The following LEMD1 variants were observed in gnomAD, a reference collection of about 807,000 sequenced individuals.
The protein encoded by LEMD1 is LEM domain-containing protein 1.
In LEMD1, 18 loss-of-function variants were observed where a neutral mutation model predicts 17.4. That is an observed-to-expected ratio of 1.04 (90% CI 0.72 to 1.54). LEMD1 has a LOEUF of 1.54. Ranked by LOEUF, LEMD1 falls within the 40% of genes most tolerant of loss-of-function variation. The pLI is 0.00. For synonymous variants in LEMD1, 88 were observed against 77.8 expected, an observed-to-expected ratio of 1.13 and a Z score of -0.69; for missense variants, 195 against 210.4, an observed-to-expected ratio of 0.93 and a Z score of 0.45.
intron 4 of LEMD1, chr1:205,386,388 G>C (rs367619947): frequency 6.7e-6 from 1 of 149,764 alleles, no homozygotes; most frequent in Non-Finnish European, 1.5e-5. Flanking sequence ...ACTGCAAGCT[G>C]CGCCTCCCAG....
At chr1:205,404,780 C>G (rs1466914193) in intron 4 of LEMD1, among the ~76,000 whole-genome samples, 4 of 151,824 alleles carry the variant, frequency 2.6e-5, no homozygotes, top group Admixed American at 1.3e-4. Flanking sequence ...TTAGTTGATG[C>G]AGTTTCTTCC....
chr1:205,439,434 C>A (rs1008493067), intron 1 of LEMD1, among the ~76,000 whole-genome samples: 3 of 152,234 alleles, frequency 2.0e-5, no homozygotes, highest in Non-Finnish European at 4.4e-5. Context: ...CTGCCCAAAG[C>A]CCAGGAAAGG....
Position 205,388,905 on chromosome 1 carries a change from T to C in LEMD1, c.271-4541A>G, listed in dbSNP as rs1003325405. On this transcript the variant is annotated intron_variant, in intron 4 of 5. Coordinates refer to ENST00000367153, the MANE Select transcript of LEMD1 (RefSeq NM_001199050.2). ...TATCACAGTCAGTCTGAAATAATAT[T>C]GCATATGACATTTTATGTCATACTG... Among the ~76,000 whole-genome samples the C allele has an allele frequency of 3.3e-5, 5 of 152,148 alleles. No individual in the cohort carries two copies. In the East Asian group the frequency reaches 5.8e-4, roughly 18 times the overall value.
At chr1:205,399,719 T>C (rs1664750546) in intron 4 of LEMD1, among the ~76,000 whole-genome samples, 1 of 152,226 alleles carries the variant, frequency 6.6e-6, no homozygotes, top group Non-Finnish European at 1.5e-5. Context: ...CTGGGAGGAT[T>C]TGAGTATGAA....
rs1343211823 is a variant in LEMD1, at chr1:205,441,665, C to A, written c.-39+8203G>T. Among the ~76,000 whole-genome samples, 1 of 152,230 alleles carries A rather than the reference C, an allele frequency of 6.6e-6. No individual in the cohort carries two copies. The highest frequency in any genetic ancestry group is 1.5e-5 in the Non-Finnish European group (1 of 68,040). ...ATACCCTTCCTTTGACTGCTCAGGG[C>A]AATGCAAATCCCATCCTCACCATGC... is the stretch of plus-strand genomic sequence containing the variant. On this transcript the variant is annotated intron_variant, in intron 1 of 3. Coordinates refer to the LEMD1 transcript ENST00000367154. The surrounding 1 kb of genome is among the most constrained non-coding windows in gnomAD (Gnocchi z 4.3).
Position 205,440,439 on chromosome 1 carries a change from A to C in LEMD1, c.-39+9429T>G, listed in dbSNP as rs370138160. On this transcript the variant is annotated intron_variant, in intron 1 of 3. Transcript: ENST00000367154. ...TTCTTGCCCCAGGTCCTGGAATCCC[A>C]GGAGAGTCTCACACTTCCGCCCTGG... Among the ~76,000 whole-genome samples, 4 of 152,286 alleles carry C rather than the reference A, an allele frequency of 2.6e-5. No individual in the cohort carries two copies. In the East Asian group the frequency reaches 7.7e-4, roughly 29 times the overall value.
intron 5 of LEMD1, among the ~76,000 whole-genome samples, chr1:205,383,902 C>T (rs1663853371): frequency 6.6e-6 from 1 of 151,528 alleles, no homozygotes; most frequent in Non-Finnish European, 1.5e-5. Flanking sequence ...TCCCAAAGTG[C>T]TGGGATTACA....
At chr1:205,395,651 A>T (rs1182362778) in intron 4 of LEMD1, among the ~76,000 whole-genome samples, 1 of 152,040 alleles carries the variant, frequency 6.6e-6, no homozygotes, top group Non-Finnish European at 1.5e-5. Context: ...AAAACTACAA[A>T]TATTAGCACA....
intron 4 of LEMD1, among the ~76,000 whole-genome samples, chr1:205,413,228 T>C (rs565726664): frequency 5.9e-5 from 9 of 152,356 alleles, no homozygotes; most frequent in African/African-American, 1.9e-4. Flanking sequence ...ACTCCTACTA[T>C]GTGCAAGACC....
intron 4 of LEMD1, among the ~76,000 whole-genome samples, chr1:205,415,941 T>C (rs1665674827): frequency 6.6e-6 from 1 of 152,082 alleles, no homozygotes; most frequent in Admixed American, 6.6e-5. Context: ...TATGTGAATG[T>C]AGACAACAGA....
At chr1:205,428,559 C>T (rs977584079) in intron 1 of LEMD1, among the ~76,000 whole-genome samples, 12 of 152,072 alleles carry the variant, frequency 7.9e-5, no homozygotes, top group Non-Finnish European at 1.0e-4. Context: ...ATGGAGTGAA[C>T]GAGAACCTTT....
chr1:205,426,967 G>A (rs748290758), upstream of LEMD1, among the ~76,000 whole-genome samples: 74 of 152,064 alleles, frequency 4.9e-4, no homozygotes, highest in Non-Finnish European at 7.6e-4. Context: ...GGAGATGCCG[G>A]GAGGCTTTTG....
intron 5 of LEMD1, 59 bp downstream of exon 5, chr1:205,384,229 T>C: frequency 1.9e-6 from 2 of 1,028,720 alleles, no homozygotes; most frequent in Non-Finnish European, 2.7e-6. Context: ...AATTAGTTTT[T>C]TCCAGAGCTA....
At chr1:205,415,847 A>G (rs1665670181) in intron 4 of LEMD1, among the ~76,000 whole-genome samples, 1 of 152,192 alleles carries the variant, frequency 6.6e-6, no homozygotes, top group Admixed American at 6.5e-5. Context: ...TAGAAGCCAG[A>G]TGTTAGGGGC....
intron 2 of LEMD1, among the ~76,000 whole-genome samples, chr1:205,419,563 C>T (rs926301893): frequency 3.2e-4 from 48 of 152,318 alleles, no homozygotes; most frequent in Admixed American, 9.8e-4. Flanking sequence ...CTCCCATATT[C>T]AAGCGATTCT....
intron 1 of LEMD1, among the ~76,000 whole-genome samples, chr1:205,434,650 C>T (rs541564018): frequency 4.2e-4 from 64 of 152,238 alleles, no homozygotes; most frequent in Middle Eastern, 3.4e-3. Context: ...GATAGCACAA[C>T]GGAGGCTCAC....
At chr1:205,438,517 AG>A (rs1184495079) in intron 1 of LEMD1, among the ~76,000 whole-genome samples, 4 of 152,240 alleles carry the variant, frequency 2.6e-5, no homozygotes, top group Non-Finnish European at 2.9e-5. Flanking sequence ...AGGAGGGCAC[AG>A]GTGTCCAGAC....
chr1:205,432,681 A>G (rs918410540), intron 1 of LEMD1, among the ~76,000 whole-genome samples: 13 of 152,244 alleles, frequency 8.5e-5, no homozygotes, highest in Non-Finnish European at 1.8e-4. Flanking sequence ...AGAAGTCTGT[A>G]GACGCTGGCA....
At chr1:205,425,383 C>T (rs552095166), upstream of LEMD1, among the ~76,000 whole-genome samples, 2 of 151,984 alleles carry the variant, frequency 1.3e-5, no homozygotes, top group African/African-American at 2.4e-5. Context: ...TGGGGAGGTG[C>T]GGAGGGGGAG....
Sources: allele counts gnomAD v4.1 joint callset (sites outside exome capture counted in the v4.1 genomes callset), GRCh38; gene constraint gnomAD v4.1.1; non-coding constraint Gnocchi (gnomAD v3.1); transcripts MANE v1.5; gene names NCBI Gene and HGNC (gene_info 2026-07-23, HGNC 2026-07-21).